Variants in COMMD10 observed in about 807,000 individuals in gnomAD.
COMMD10 encodes the protein COMM domain containing 10.
In COMMD10, 33 loss-of-function variants were observed where a neutral mutation model predicts 28.9. The observed-to-expected ratio is 1.14, with a 90% CI of 0.87 to 1.53. The LOEUF (loss-of-function observed/expected upper bound fraction) is 1.53. COMMD10 is among the 40% of genes most tolerant of loss of function. The pLI is 0.00. For missense variants in COMMD10, 310 were observed against 233.4 expected (o/e 1.33, Z -2.14); for synonymous variants, 110 against 81.7 (o/e 1.35, Z -1.87).
At chr5:116,268,602 T>C (rs1308635331) in intron 5 of COMMD10, among the ~76,000 whole-genome samples, 3 of 151,924 alleles carry the variant, frequency 2.0e-5, no homozygotes, top group African/African-American at 4.9e-5. Flanking sequence ...CATTACTGGG[T>C]ATATACCCAA....
intron 5 of COMMD10, among the ~76,000 whole-genome samples, chr5:116,208,171 C>T (rs1215320051): frequency 1.3e-5 from 2 of 152,094 alleles, no homozygotes; most frequent in African/African-American, 4.8e-5. Context: ...GCATGTAAAA[C>T]ATTTGGCACT....
At chr5:116,106,191 T>G (rs1750833844) in intron 4 of COMMD10, among the ~76,000 whole-genome samples, 2 of 152,194 alleles carry the variant, frequency 1.3e-5, no homozygotes, top group African/African-American at 4.8e-5. Context: ...TGTGTCTTTG[T>G]TCTCATTGGT....
At chr5:116,161,822 G>T (rs1377683406) in intron 5 of COMMD10, among the ~76,000 whole-genome samples, 1 of 152,054 alleles carries the variant, frequency 6.6e-6, no homozygotes, top group East Asian at 1.9e-4. Flanking sequence ...GGAAGGAGAG[G>T]CAGGTGCACT....
At chr5:116,140,876 C>A (rs1752175549) in intron 5 of COMMD10, among the ~76,000 whole-genome samples, 1 of 151,754 alleles carries the variant, frequency 6.6e-6, no homozygotes, top group Non-Finnish European at 1.5e-5. Flanking sequence ...TTCTTCCAGT[C>A]TGTAGGCTGT....
chr5:116,206,529 G>C (rs763417781), intron 5 of COMMD10, among the ~76,000 whole-genome samples: 1 of 152,138 alleles, frequency 6.6e-6, no homozygotes, highest in Admixed American at 6.5e-5. Context: ...GTGCACGCCT[G>C]TAATCCCAGC....
chr5:116,123,344 T>G (rs1305180139), intron 4 of COMMD10, among the ~76,000 whole-genome samples: 1 of 152,180 alleles, frequency 6.6e-6, no homozygotes, highest in African/African-American at 2.4e-5. Context: ...TTTTTGTTGT[T>G]GTTTCTATTT....
chr5:116,255,825 A>T (rs979275228), intron 5 of COMMD10: 1 of 151,300 alleles, frequency 6.6e-6, no homozygotes, highest in Non-Finnish European at 1.5e-5. Context: ...CCTGTAAGCC[A>T]TAAAGAGTAT....
intron 5 of COMMD10, among the ~76,000 whole-genome samples, chr5:116,270,451 C>T (rs778431026): frequency 6.6e-6 from 1 of 151,806 alleles, no homozygotes; most frequent in African/African-American, 2.4e-5. Context: ...TAGAGAGTAG[C>T]ATTTCGAAAA....
chr5:116,112,064 T>TAGGA (rs1040437854), intron 4 of COMMD10, among the ~76,000 whole-genome samples: 2 of 152,204 alleles, frequency 1.3e-5, no homozygotes, highest in African/African-American at 4.8e-5. Context: ...CTTTCAAGTT[T>TAGGA]AGGACTCCTT....
chr5:116,148,630 T>TCAATGGATTCTTTTTTTTTTCTTTTCTGA (rs1446646012), intron 5 of COMMD10, among the ~76,000 whole-genome samples: 6 of 151,786 alleles, frequency 4.0e-5, no homozygotes, highest in African/African-American at 1.5e-4. Flanking sequence ...AGTGGATTTG[T>TCAATGGATTCTTTTTTTTTTCTTTTCTGA]CAATGGATTC....
At chr5:116,242,676 C>T (rs190286496) in intron 5 of COMMD10, among the ~76,000 whole-genome samples, 23 of 152,142 alleles carry the variant, frequency 1.5e-4, no homozygotes, top group Non-Finnish European at 2.9e-4. Flanking sequence ...GGATTCCAGC[C>T]CTCCTACTTC....
intron 5 of COMMD10, among the ~76,000 whole-genome samples, chr5:116,162,940 G>T (rs1021392477): frequency 4.6e-5 from 7 of 152,036 alleles, no homozygotes; most frequent in African/African-American, 1.7e-4. Context: ...ACTCTTGTTG[G>T]GTGAATGGGA....
intron 5 of COMMD10, among the ~76,000 whole-genome samples, chr5:116,271,506 T>G (rs192472695): frequency 7.2e-5 from 11 of 151,774 alleles, no homozygotes; most frequent in African/African-American, 2.2e-4. Context: ...ATAAGTACCC[T>G]CCATGAATTG....
intron 5 of COMMD10, among the ~76,000 whole-genome samples, chr5:116,242,922 C>G (rs1309723544): frequency 6.6e-6 from 1 of 152,062 alleles, no homozygotes; most frequent in Non-Finnish European, 1.5e-5. Context: ...CAGATAAAAT[C>G]TTGATTTAGT....
chr5:116,157,901 G>GT (rs1427321375), intron 5 of COMMD10, among the ~76,000 whole-genome samples: 6 of 148,018 alleles, frequency 4.1e-5, no homozygotes, highest in Non-Finnish European at 8.9e-5. Flanking sequence ...TTTTATTGTG[G>GT]TTTTAATAGT....
chr5:116,194,464 A>G (rs564618956), intron 5 of COMMD10, among the ~76,000 whole-genome samples: 11 of 152,344 alleles, frequency 7.2e-5, no homozygotes, highest in Non-Finnish European at 5.9e-5. Flanking sequence ...AAATGACCTC[A>G]CTAAGAAACA....
At chr5:116,120,945 G>C (rs1219592631) in intron 4 of COMMD10, among the ~76,000 whole-genome samples, 1 of 151,354 alleles carries the variant, frequency 6.6e-6, no homozygotes, top group Non-Finnish European at 1.5e-5. Flanking sequence ...TATATGTTTT[G>C]TATGTGTATA....
chr5:116,147,185 C>T (rs1442667436), intron 5 of COMMD10, among the ~76,000 whole-genome samples: 1 of 129,448 alleles, frequency 7.7e-6, no homozygotes, highest in South Asian at 2.2e-4. Context: ...GACAGCTGTT[C>T]GGTTAGTGCA....
At chr5:116,265,799 A>G (rs1452607711) in intron 5 of COMMD10, among the ~76,000 whole-genome samples, 1 of 151,772 alleles carries the variant, frequency 6.6e-6, no homozygotes, top group Non-Finnish European at 1.5e-5. Flanking sequence ...ACAGCCAGTG[A>G]TTTGAGAAGA....
Sources: allele counts gnomAD v4.1 joint callset (sites outside exome capture counted in the v4.1 genomes callset), GRCh38; gene constraint gnomAD v4.1.1; transcripts MANE v1.5; gene names NCBI Gene and HGNC (gene_info 2026-07-23, HGNC 2026-07-21).